The following CAPSL variants were observed in gnomAD, a reference collection of about 807,000 sequenced individuals.
The protein encoded by CAPSL is calcyphosin-like protein.
A neutral mutation model predicts 21.3 loss-of-function variants in CAPSL; 17 were observed. The observed-to-expected ratio is 0.80, with a 90% confidence interval of 0.55 to 1.20. CAPSL has a LOEUF of 1.20. Ranked by LOEUF, CAPSL falls within the 50% of genes most tolerant of loss-of-function variation. The pLI, the probability that CAPSL is intolerant of heterozygous loss-of-function variation, is 0.00. For missense variants in CAPSL, 289 were observed against 259.3 expected (o/e 1.11, Z -0.79); for synonymous variants, 102 against 89.3 (o/e 1.14, Z -0.80).
intron 2 of CAPSL, among the ~76,000 whole-genome samples, chr5:35,919,192 A>ATATATATATATATATATATAT (rs1561439742): frequency 1.8e-5 from 2 of 108,222 alleles, no homozygotes; most frequent in African/African-American, 6.4e-5. Flanking sequence ...TATATATATA[A>ATATATATATATATATATATAT]AAATTGTGAA....
intron 1 of CAPSL, among the ~76,000 whole-genome samples, chr5:35,929,385 C>T (rs543271580): frequency 2.5e-4 from 37 of 150,802 alleles, no homozygotes; most frequent in Middle Eastern, 3.4e-3. Context: ...CTCCGCCTCC[C>T]GGGTTCAAGC....
chr5:35,926,294 G>T (rs566389748), intron 1 of CAPSL, among the ~76,000 whole-genome samples: 1 of 152,156 alleles, frequency 6.6e-6, no homozygotes, highest in Non-Finnish European at 1.5e-5. Context: ...GGCATCCAGA[G>T]CTGTTGCTTG....
At chr5:35,928,030 A>G (rs1011697403) in intron 1 of CAPSL, among the ~76,000 whole-genome samples, 3 of 152,212 alleles carry the variant, frequency 2.0e-5, no homozygotes, top group African/African-American at 7.2e-5. Flanking sequence ...TGGGAAGTTC[A>G]AGATCAAGGT....
chr5:35,936,251 C>T (rs369608978), intron 1 of CAPSL, among the ~76,000 whole-genome samples: 218 of 152,116 alleles, frequency 1.4e-3, no homozygotes, highest in Middle Eastern at 0.014. Context: ...TGCTGAACTT[C>T]CTCCCATCTA....
chr5:35,914,251 A>T (rs1239593835), intron 2 of CAPSL, among the ~76,000 whole-genome samples: 1 of 152,186 alleles, frequency 6.6e-6, no homozygotes, highest in Non-Finnish European at 1.5e-5. Flanking sequence ...CTCCCACACA[A>T]TAATAATGGG....
intron 2 of CAPSL, among the ~76,000 whole-genome samples, chr5:35,917,111 A>C (rs1287805248): frequency 6.6e-6 from 1 of 152,240 alleles, no homozygotes. Context: ...AGACATATGA[A>C]AAAATGCTCA....
chr5:35,916,235 C>T lies in CAPSL; in HGVS notation c.137+4749G>A, dbSNP rs553178199. The stretch of plus-strand genomic sequence containing the variant: ...AAGAGGATACAAACAAATGGAAGAA[C>T]ATTCCATGCTCATGGGTAGGAAGAA... On this transcript the variant is annotated intron_variant, in intron 2 of 4. Coordinates refer to ENST00000651391, the MANE Select transcript of CAPSL (RefSeq NM_001042625.2). Among the ~76,000 whole-genome samples the T allele has an allele frequency of 4.5e-3, 677 of 151,896 alleles. 2 individuals are homozygous for T. Among genetic ancestry groups the T allele is most frequent in the Non-Finnish European group, 7.5e-3 (506 of 67,870 alleles).
intron 1 of CAPSL, among the ~76,000 whole-genome samples, chr5:35,927,885 T>G (rs1222998359): frequency 6.6e-6 from 1 of 152,234 alleles, no homozygotes; most frequent in Admixed American, 6.5e-5. Context: ...CTCAATAAGT[T>G]TCCCCTTGGA....
intron 1 of CAPSL, among the ~76,000 whole-genome samples, chr5:35,935,508 T>C (rs1738922853): frequency 6.6e-6 from 1 of 151,964 alleles, no homozygotes; most frequent in Non-Finnish European, 1.5e-5. Flanking sequence ...AATTTTTTCT[T>C]ATTTTTAGTA....
intron 2 of CAPSL, among the ~76,000 whole-genome samples, chr5:35,918,425 A>G (rs1194054522): frequency 6.6e-6 from 1 of 152,166 alleles, no homozygotes; most frequent in Non-Finnish European, 1.5e-5. Context: ...ACGTGGACAC[A>G]AGGAGGGGAA....
At chr5:35,929,714 G>A (rs1204391523) in intron 1 of CAPSL, among the ~76,000 whole-genome samples, 9 of 152,122 alleles carry the variant, frequency 5.9e-5, no homozygotes, top group Admixed American at 5.9e-4. Flanking sequence ...AAAGCTTCAG[G>A]GAAAAGAATG....
intron 1 of CAPSL, among the ~76,000 whole-genome samples, chr5:35,921,968 A>G (rs11950831): frequency 0.26 from 39,882 of 151,732 alleles, 5,500 homozygotes; most frequent in African/African-American, 0.34. Context: ...AAGTCCACAT[A>G]TTCAGTAAAT....
intron 4 of CAPSL, among the ~76,000 whole-genome samples, chr5:35,907,119 T>G (rs763723052): frequency 2.0e-5 from 3 of 152,172 alleles, no homozygotes; most frequent in Non-Finnish European, 4.4e-5. Flanking sequence ...GCACTCCTAC[T>G]TTTAGCAGGC....
At chr5:35,909,035 T>G (rs1325565361) in intron 4 of CAPSL, among the ~76,000 whole-genome samples, 1 of 151,850 alleles carries the variant, frequency 6.6e-6, no homozygotes, top group African/African-American at 2.4e-5. Flanking sequence ...GACAATCCCC[T>G]TTCCTTATCA....
intron 2 of CAPSL, among the ~76,000 whole-genome samples, 173 bp from the exon 3 acceptor site, chr5:35,910,716 AC>A (rs1471421205): frequency 1.3e-5 from 2 of 152,154 alleles, no homozygotes; most frequent in African/African-American, 4.8e-5. Flanking sequence ...CCACACACAC[AC>A]AAACACACAC....
At chr5:35,932,972 C>T (rs1738857574) in intron 1 of CAPSL, among the ~76,000 whole-genome samples, 1 of 152,172 alleles carries the variant, frequency 6.6e-6, no homozygotes, top group Non-Finnish European at 1.5e-5. Context: ...TTTGGCCCTC[C>T]ACCTGGTTTT....
chr5:35,923,492 C>T (rs1429147026), intron 1 of CAPSL, among the ~76,000 whole-genome samples: 1 of 152,148 alleles, frequency 6.6e-6, no homozygotes, highest in East Asian at 1.9e-4. Flanking sequence ...AAGGTAGAAA[C>T]AAACCAAATG....
At position 35,909,859 on chromosome 5, in the gene CAPSL, T is replaced by A; in HGVS notation, c.525+7A>T. The A allele has an allele frequency of 6.2e-7, 1 of 1,604,802 alleles. No homozygotes were observed. The highest frequency in any genetic ancestry group is 8.5e-7 in the Non-Finnish European group (1 of 1,177,182). The stretch of plus-strand genomic sequence containing the variant: ...AAATTTCCCCTAGATTAGGCTCTTT[T>A]ACTTACCAATCCATCTTTGTCATAG... On this transcript the variant is annotated splice_region_variant and intron_variant, in intron 4 of 4. Coordinates refer to ENST00000651391, the MANE Select transcript of CAPSL (RefSeq NM_001042625.2).
chr5:35,923,792 C>T (rs1363229717), intron 1 of CAPSL, among the ~76,000 whole-genome samples: 1 of 152,102 alleles, frequency 6.6e-6, no homozygotes, highest in Non-Finnish European at 1.5e-5. Flanking sequence ...GTAAAGTTTC[C>T]TTCAGGGGTA....
Sources: gnomAD v4.1 joint callset for allele counts (sites outside exome capture counted in the v4.1 genomes callset) on GRCh38, gnomAD v4.1.1 for gene constraint, MANE v1.5 for transcripts, NCBI Gene and HGNC (gene_info 2026-07-23, HGNC 2026-07-21) for gene names.